The following PLAGL1 variants were observed in gnomAD, a reference collection of about 807,000 sequenced individuals.
PLAGL1 encodes zinc finger protein PLAGL1.
A neutral mutation model predicts 4.6 loss-of-function variants in PLAGL1; 1 was observed. That is an observed-to-expected ratio of 0.22 (90% CI 0.08 to 1.03). The LOEUF is 1.03. Among genes scored for constraint, PLAGL1 ranks in the 50% least tolerant of loss-of-function variants. PLAGL1 has a pLI of 0.58. For missense variants in PLAGL1, 464 were observed against 570.4 expected (o/e 0.81, Z 1.90); for synonymous variants, 240 against 237.8 (o/e 1.01, Z -0.08).
In PLAGL1 at chr6:143,968,223, T is replaced by A. The variant is rs1784803071; in HGVS notation, c.-472+684A>T. 1 of 152,158 alleles carries A rather than the reference T, an allele frequency of 6.6e-6. No individual in the cohort carries two copies. Among genetic ancestry groups the A allele is most frequent in the Non-Finnish European group, 1.5e-5 (1 of 68,024 alleles). 9.4% of individuals were successfully genotyped at this position (152,158 alleles called of 1,614,324 possible). On this transcript the variant is annotated intron_variant, in intron 3 of 7. Coordinates refer to ENST00000674357, the MANE Select transcript of PLAGL1 (RefSeq NM_001317162.2). The surrounding 1 kb of genome is among the most constrained non-coding windows in gnomAD (Gnocchi z 6.3). ...AGGCAGTTCAAACAAATCCTAATCT[T>A]TACATGAGTGATAGAAAATAAGAAA... is the stretch of plus-strand genomic sequence containing the variant.
rs1317509360 is a variant in PLAGL1, at chr6:144,027,439, T to G, written c.-151+37029A>C. ...GGGAAGAAGAGAAAACAGGACAAAC[T>G]AGTAGGAAGAAATAGAGAAGCAGTT... is the stretch of plus-strand genomic sequence containing the variant. On this transcript the variant is annotated intron_variant, in intron 1 of 3. Coordinates refer to the PLAGL1 transcript ENST00000437412. The surrounding 1 kb of genome is among the most constrained non-coding windows in gnomAD (Gnocchi z 5.8). Among the ~76,000 whole-genome samples the G allele has an allele frequency of 6.6e-6, 1 of 151,908 alleles. No homozygotes were observed. The highest frequency in any genetic ancestry group is 2.4e-5 in the African/African-American group (1 of 41,368).
Position 143,941,975 on chromosome 6 carries a change from A to ACTCTGG in PLAGL1, c.835_840dup (p.Pro279_Glu280dup), listed in dbSNP as rs774596210. 5 of 1,596,080 alleles carry ACTCTGG rather than the reference A, an allele frequency of 3.1e-6. No homozygotes were observed. In the South Asian group the frequency reaches 5.7e-5, roughly 18 times the overall value. ...ACCGAGGGGTGGAGGGAGGCCAGGGACTCTGGCAGCGGCTGCATAGGCTGG... is the reference window on the plus strand; with the variant it reads ...ACCGAGGGGTGGAGGGAGGCCAGGGACTCTGGCTCTGGCAGCGGCTGCATAGGCTGG... On this transcript the variant is annotated inframe_insertion, in exon 8 of 8. Transcript: ENST00000674357. The surrounding 1 kb of genome is among the most constrained non-coding windows in gnomAD (Gnocchi z 6.0).
Position 143,948,439 on chromosome 6 carries a change from T to C in PLAGL1, c.-303A>G, listed in dbSNP as rs1053069404. On this transcript the variant is annotated 5_prime_UTR_variant, in exon 7 of 8. It removes an upstream start codon present in the reference 5' UTR. Coordinates refer to ENST00000674357, the MANE Select transcript of PLAGL1 (RefSeq NM_001317162.2). The surrounding 1 kb of genome is among the most constrained non-coding windows in gnomAD (Gnocchi z 6.0). Reference sequence around the variant, plus strand: ...AATCTGCATCACTATAGCTGGGGCATGTCCTGGGTCCCCCGGATTGGCTGT... The same window carrying C: ...AATCTGCATCACTATAGCTGGGGCACGTCCTGGGTCCCCCGGATTGGCTGT... 2.0e-5 allele frequency: 6 copies of C among 294,532 alleles called. No individual in the cohort carries two copies. In the Admixed American group the frequency reaches 2.2e-4, roughly 11 times the overall value. 18.2% of individuals were successfully genotyped at this position (294,532 alleles called of 1,614,324 possible).
At position 143,979,100 on chromosome 6, in the gene PLAGL1, C is replaced by T. The variant is rs1787318892; in HGVS notation, c.-544+6035G>A. On this transcript the variant is annotated intron_variant, in intron 2 of 7. Coordinates refer to ENST00000674357, the MANE Select transcript of PLAGL1 (RefSeq NM_001317162.2). This position sits in a 1 kb window ranked among gnomAD's most constrained non-coding sequence, Gnocchi z 4.6. ...TTGTCTAATATGAATACAGTCACCA[C>T]AGTTTTAAAAAATCAGTGCTAAAAA... Among the ~76,000 whole-genome samples the T allele has an allele frequency of 6.6e-6, 1 of 152,148 alleles. No individual in the cohort carries two copies. Among genetic ancestry groups the T allele is most frequent in the Non-Finnish European group, 1.5e-5 (1 of 67,998 alleles).
chr6:143,991,052 T>C (rs936578176), intron 1 of PLAGL1, among the ~76,000 whole-genome samples: 3 of 152,222 alleles, frequency 2.0e-5, no homozygotes, highest in Non-Finnish European at 2.9e-5. Context: ...AAGCATTTCA[T>C]TGTTTCTTAG....
chr6:143,959,035 GT>G lies in PLAGL1; in HGVS notation c.-325+1433del, dbSNP rs1782781173. ...GAGTAGCTGTCCTTGCAATCCACAT[GT>G]GTGGTCCATCCCCCAGCTCATCCGC... is the stretch of plus-strand genomic sequence containing the variant. On this transcript the variant is annotated intron_variant, in intron 6 of 7. Transcript: ENST00000674357. This position sits in a 1 kb window ranked among gnomAD's most constrained non-coding sequence, Gnocchi z 5.3. 6.6e-6 allele frequency among the ~76,000 whole-genome samples: 1 copy of G among 152,216 alleles called. No individual in the cohort carries two copies. The highest frequency in any genetic ancestry group is 2.4e-5 in the African/African-American group (1 of 41,464).
chr6:144,023,475 G>A (rs1796116076), intron 1 of PLAGL1, among the ~76,000 whole-genome samples: 1 of 151,882 alleles, frequency 6.6e-6, no homozygotes, highest in Admixed American at 6.6e-5. Flanking sequence ...GGGGGCTGGG[G>A]AAAAAAAGGT....
chr6:144,011,512 C>A (rs1191686112), upstream of PLAGL1, among the ~76,000 whole-genome samples: 2 of 152,120 alleles, frequency 1.3e-5, no homozygotes, highest in South Asian at 2.1e-4. The surrounding 1 kb of genome is among the most constrained non-coding windows in gnomAD (Gnocchi z 4.3). Flanking sequence ...CTGGGCTATG[C>A]CTCTGTGTCA....
chr6:144,016,110 GTA>G lies in PLAGL1; in HGVS notation c.-150-47134_-150-47133del, dbSNP rs144572193. 4.0e-5 allele frequency among the ~76,000 whole-genome samples: 6 copies of G among 150,788 alleles called. No individual in the cohort carries two copies. Among genetic ancestry groups the G allele is most frequent in the African/African-American group, 7.3e-5 (3 of 41,176 alleles). On this transcript the variant is annotated intron_variant, in intron 1 of 3. Coordinates refer to the PLAGL1 transcript ENST00000437412. This position sits in a 1 kb window ranked among gnomAD's most constrained non-coding sequence, Gnocchi z 4.2. ...GAACTAATAAGAGATATACATATGT[GTA>G]TATATATATATACACACACATATAC...
At chr6:144,014,532 A>G (rs1331713316) in intron 1 of PLAGL1, among the ~76,000 whole-genome samples, 1 of 152,100 alleles carries the variant, frequency 6.6e-6, no homozygotes, top group Non-Finnish European at 1.5e-5. Flanking sequence ...AAAAAACAAT[A>G]GTGTATTGAG....
At position 143,979,959 on chromosome 6, in the gene PLAGL1, G is replaced by A. The variant is rs1211592835; in HGVS notation, c.-544+5176C>T. 6.6e-6 allele frequency among the ~76,000 whole-genome samples: 1 copy of A among 151,996 alleles called. No individual in the cohort carries two copies. The highest frequency in any genetic ancestry group is 6.6e-5 in the Admixed American group (1 of 15,250). ...TTCCTACCAAAGAAAGTGCTTGCAT[G>A]TTTCACCTTTTTTGAAAGATATTGT... On this transcript the variant is annotated intron_variant, in intron 2 of 7. Transcript: ENST00000674357. This position sits in a 1 kb window ranked among gnomAD's most constrained non-coding sequence, Gnocchi z 4.6.
At chr6:144,020,913 A>C (rs1795935485) in intron 1 of PLAGL1, among the ~76,000 whole-genome samples, 2 of 147,332 alleles carry the variant, frequency 1.4e-5, no homozygotes, top group South Asian at 2.1e-4. Context: ...AATATATTTA[A>C]TATAAAACTA....
intron 2 of PLAGL1, among the ~76,000 whole-genome samples, chr6:143,976,225 A>C (rs1185982558): frequency 6.6e-6 from 1 of 150,382 alleles, no homozygotes; most frequent in Non-Finnish European, 1.5e-5. Flanking sequence ...CCAACCTTTT[A>C]TCTAGTACAG....
rs1050330709 is a variant in PLAGL1, at chr6:143,959,970, C to T, written c.-325+499G>A. Among the ~76,000 whole-genome samples, 1 of 152,236 alleles carries T rather than the reference C, an allele frequency of 6.6e-6. No individual in the cohort carries two copies. The highest frequency in any genetic ancestry group is 1.5e-5 in the Non-Finnish European group (1 of 68,040). On this transcript the variant is annotated intron_variant, in intron 6 of 7. Coordinates refer to ENST00000674357, the MANE Select transcript of PLAGL1 (RefSeq NM_001317162.2). This position sits in a 1 kb window ranked among gnomAD's most constrained non-coding sequence, Gnocchi z 5.3. ...GTGAAGTTCAGCAACTGCTTTACAA[C>T]AGCGTTTTCAAATAAAGCCTCAGGA...
At chr6:144,003,497 G>T (rs906197844) in intron 1 of PLAGL1, among the ~76,000 whole-genome samples, 1 of 152,018 alleles carries the variant, frequency 6.6e-6, no homozygotes, top group African/African-American at 2.4e-5. Flanking sequence ...AGTGGTGGGT[G>T]CCTGTAGTCC....
intron 1 of PLAGL1, among the ~76,000 whole-genome samples, chr6:144,040,877 A>G (rs1797674802): frequency 6.6e-6 from 1 of 152,210 alleles, no homozygotes; most frequent in South Asian, 2.1e-4. Flanking sequence ...ACTCTGTCTC[A>G]AAAACAAAAA....
At position 144,034,325 on chromosome 6, in the gene PLAGL1, T is replaced by A. The variant is rs902929140; in HGVS notation, c.-151+30143A>T. 6.6e-6 allele frequency among the ~76,000 whole-genome samples: 1 copy of A among 152,130 alleles called. No homozygotes were observed. The highest frequency in any genetic ancestry group is 1.5e-5 in the Non-Finnish European group (1 of 68,016). ...GGACTGAAGCCTCTAGGCCCCAGAT[T>A]GCTGACTCAGGCTGCTGGGCACACA... is the stretch of plus-strand genomic sequence containing the variant. On this transcript the variant is annotated intron_variant, in intron 1 of 3. Transcript: ENST00000437412. The surrounding 1 kb of genome is among the most constrained non-coding windows in gnomAD (Gnocchi z 4.7).
At position 143,983,775 on chromosome 6, in the gene PLAGL1, A is replaced by C. The variant is rs1788461106; in HGVS notation, c.-544+1360T>G. ...CTAGGTGGAGTTAAAAATGTGTTGG[A>C]GTGGGAGGACAGATGGAGAATGGGG... is the stretch of plus-strand genomic sequence containing the variant. On this transcript the variant is annotated intron_variant, in intron 2 of 7. Coordinates refer to ENST00000674357, the MANE Select transcript of PLAGL1 (RefSeq NM_001317162.2). This position sits in a 1 kb window ranked among gnomAD's most constrained non-coding sequence, Gnocchi z 6.6. Among the ~76,000 whole-genome samples the C allele has an allele frequency of 2.0e-5, 3 of 152,012 alleles. No homozygotes were observed. In the South Asian group the frequency reaches 6.2e-4, roughly 32 times the overall value.
At chr6:144,011,889 T>C (rs1419120900), upstream of PLAGL1, among the ~76,000 whole-genome samples, 2 of 152,210 alleles carry the variant, frequency 1.3e-5, no homozygotes, top group Non-Finnish European at 2.9e-5. The surrounding 1 kb of genome is among the most constrained non-coding windows in gnomAD (Gnocchi z 4.3). Context: ...AGTGGGAAAC[T>C]TTCCTGCCTC....
Sources: allele counts gnomAD v4.1 joint callset (sites outside exome capture counted in the v4.1 genomes callset), GRCh38; gene constraint gnomAD v4.1.1; non-coding constraint Gnocchi (gnomAD v3.1); transcripts MANE v1.5; gene names NCBI Gene and HGNC (gene_info 2026-07-23, HGNC 2026-07-21).